LUZP2: variants seen among roughly 807,000 people sequenced by gnomAD.
The protein encoded by LUZP2 is leucine zipper protein 2.
Under a neutral mutation model 51.6 loss-of-function variants are expected in LUZP2, and 52 were observed. That is an observed-to-expected ratio of 1.01 (90% CI 0.81 to 1.27). The LOEUF is 1.27. LUZP2 is among the 50% of genes most tolerant of loss of function. The pLI is 0.00. For synonymous variants in LUZP2, 154 were observed against 137.3 expected (o/e 1.12, Z -0.85); for missense variants, 436 against 395.4 (o/e 1.10, Z -0.87).
At chr11:25,000,630 G>A (rs562260240) in intron 9 of LUZP2, among the ~76,000 whole-genome samples, 1 of 152,316 alleles carries the variant, frequency 6.6e-6, no homozygotes, top group Admixed American at 6.5e-5. Flanking sequence ...AAGCCATGTT[G>A]CCCAACTCCA....
chr11:24,959,308 T>C (rs904683622), intron 7 of LUZP2, among the ~76,000 whole-genome samples: 7 of 152,130 alleles, frequency 4.6e-5, no homozygotes, highest in African/African-American at 1.7e-4. Flanking sequence ...ATTGGTAGCT[T>C]GATGGGGATG....
rs796404136 is a variant in LUZP2, at chr11:24,527,567, T to TCTCTCACACACA, written c.62+30263_62+30264insTCTCACACACAC. On this transcript the variant is annotated intron_variant, in intron 1 of 11. Transcript: ENST00000336930. ...AAATAAGAATCTCTCTCTCTCTCTC[T>TCTCTCACACACA]CACACACACACACACACACACACAC... Among the ~76,000 whole-genome samples the TCTCTCACACACA allele has an allele frequency of 2.7e-3, 360 of 131,646 alleles. 2 individuals carry two copies. The highest frequency in any genetic ancestry group is 9.6e-3 in the African/African-American group (337 of 35,040). The allele number at this position is 131,646 out of a possible 152,430, so 86.4% of individuals were successfully genotyped here. A position where few individuals can be genotyped will look rare whatever the true frequency, so the allele number is the denominator to read the frequency against.
chr11:25,006,553 C>A (rs1189298549), intron 9 of LUZP2, among the ~76,000 whole-genome samples: 2 of 152,122 alleles, frequency 1.3e-5, no homozygotes, highest in Non-Finnish European at 1.5e-5. Context: ...GCCTGACACC[C>A]GTGTCTTTAG....
At chr11:24,689,690 C>T (rs962273743) in intron 1 of LUZP2, among the ~76,000 whole-genome samples, 7 of 152,232 alleles carry the variant, frequency 4.6e-5, no homozygotes, top group Admixed American at 3.3e-4. Context: ...AGACCTTTAT[C>T]TAACTTTATT....
chr11:24,879,711 A>G (rs111313153), intron 5 of LUZP2, among the ~76,000 whole-genome samples: 10 of 152,200 alleles, frequency 6.6e-5, no homozygotes, highest in African/African-American at 2.2e-4. Context: ...GGCCATTAAT[A>G]TGTTTTCTTT....
At chr11:24,707,533 C>T (rs1857638704) in intron 1 of LUZP2, among the ~76,000 whole-genome samples, 1 of 152,046 alleles carries the variant, frequency 6.6e-6, no homozygotes, top group Non-Finnish European at 1.5e-5. Flanking sequence ...GTTCTGGCGT[C>T]TGAGAAGTCT....
At chr11:24,669,564 G>T (rs934047634) in intron 1 of LUZP2, among the ~76,000 whole-genome samples, 3 of 151,846 alleles carry the variant, frequency 2.0e-5, no homozygotes, top group Non-Finnish European at 4.4e-5. Context: ...TTTGTGTTCT[G>T]GGCTGTGAAA....
At chr11:24,559,227 T>G (rs2133767537) in intron 1 of LUZP2, among the ~76,000 whole-genome samples, 1 of 152,162 alleles carries the variant, frequency 6.6e-6, no homozygotes, top group Middle Eastern at 3.4e-3. Flanking sequence ...AGTAGATTTG[T>G]AAAAATTTTG....
chr11:24,775,770 GA>G (rs541587259), intron 5 of LUZP2, among the ~76,000 whole-genome samples: 178 of 152,246 alleles, frequency 1.2e-3, no homozygotes, highest in African/African-American at 4.0e-3. Context: ...CTGAGAGAGA[GA>G]TAGCTAGTGT....
chr11:24,829,372 T>G (rs887656785), intron 5 of LUZP2, among the ~76,000 whole-genome samples: 1 of 152,104 alleles, frequency 6.6e-6, no homozygotes, highest in Non-Finnish European at 1.5e-5. Context: ...TCCCCCACAG[T>G]GCACACACAC....
chr11:25,071,332 A>G (rs777810476), intron 10 of LUZP2, among the ~76,000 whole-genome samples: 7 of 151,966 alleles, frequency 4.6e-5, no homozygotes, highest in Non-Finnish European at 8.8e-5. Flanking sequence ...CCAACATGGC[A>G]CATGTATACA....
chr11:24,841,547 G>T (rs1237385258), intron 5 of LUZP2, among the ~76,000 whole-genome samples: 1 of 151,932 alleles, frequency 6.6e-6, no homozygotes, highest in Non-Finnish European at 1.5e-5. Context: ...AATTATATAT[G>T]CAATAAAATT....
intron 1 of LUZP2, among the ~76,000 whole-genome samples, chr11:24,648,733 G>C (rs997274627): frequency 6.6e-6 from 1 of 151,854 alleles, no homozygotes; most frequent in Non-Finnish European, 1.5e-5. Flanking sequence ...GAAACGATAA[G>C]GGGTATATGC....
intron 9 of LUZP2, among the ~76,000 whole-genome samples, chr11:25,014,723 T>C (rs1437806789): frequency 6.6e-6 from 1 of 152,210 alleles, no homozygotes; most frequent in Non-Finnish European, 1.5e-5. Context: ...TGATGGTAGT[T>C]TCTTTTGCTG....
intron 1 of LUZP2, among the ~76,000 whole-genome samples, chr11:24,643,047 T>C (rs982827997): frequency 6.6e-6 from 1 of 151,426 alleles, no homozygotes; most frequent in Non-Finnish European, 1.5e-5. Context: ...GTAGAAAAAA[T>C]TGTGAAGGCT....
In LUZP2 at chr11:24,983,301, C is replaced by A. The variant is rs1378409182; in HGVS notation, c.765+8C>A. 1 of 1,610,208 alleles carries A rather than the reference C, an allele frequency of 6.2e-7. No individual in the cohort carries two copies. The highest frequency in any genetic ancestry group is 8.5e-7 in the Non-Finnish European group (1 of 1,177,886). ...GCAGCGGCCAAAAGCAAGGTACCTACCTTTTATTTGCGCTTTGTAAAGTAA... is the reference window on the plus strand; with the variant it reads ...GCAGCGGCCAAAAGCAAGGTACCTAACTTTTATTTGCGCTTTGTAAAGTAA... On this transcript the variant is annotated splice_region_variant and intron_variant, in intron 9 of 11. Coordinates refer to ENST00000336930, the MANE Select transcript of LUZP2 (RefSeq NM_001009909.4).
intron 5 of LUZP2, among the ~76,000 whole-genome samples, chr11:24,768,519 G>T (rs1276888261): frequency 1.3e-5 from 2 of 152,006 alleles, no homozygotes; most frequent in African/African-American, 4.8e-5. Context: ...ATGCTCAAGG[G>T]GTTAATATTT....
At chr11:24,572,010 T>G (rs564263508) in intron 1 of LUZP2, among the ~76,000 whole-genome samples, 1 of 151,948 alleles carries the variant, frequency 6.6e-6, no homozygotes, top group African/African-American at 2.4e-5. Flanking sequence ...ATTATGTACA[T>G]TTTCACTCTG....
At position 25,081,029 on chromosome 11, in the gene LUZP2, A is replaced by ATTTTTTTTT. The variant is rs553696425; in HGVS notation, c.*2384_*2392dup. On this transcript the variant is annotated 3_prime_UTR_variant, in exon 12 of 12. Coordinates refer to ENST00000336930, the MANE Select transcript of LUZP2 (RefSeq NM_001009909.4). ...ATCAAGTGGGCTTTGGATCCATATG[A>ATTTTTTTTT]TTTTTTTTTTTTTTTTTTTTTGAGA... is the stretch of plus-strand genomic sequence containing the variant. 2.4e-4 allele frequency: 24 copies of ATTTTTTTTT among 100,706 alleles called. No homozygotes were observed. The highest frequency in any genetic ancestry group is 7.1e-4 in the East Asian group (2 of 2,828). The allele number at this position is 100,706 out of a possible 1,614,324, so 6.2% of individuals were successfully genotyped here.
Sources: allele counts gnomAD v4.1 joint callset (sites outside exome capture counted in the v4.1 genomes callset), GRCh38; gene constraint gnomAD v4.1.1; transcripts MANE v1.5; gene names NCBI Gene and HGNC (gene_info 2026-07-23, HGNC 2026-07-21).